Variants in SETD1B observed in about 807,000 individuals in gnomAD.
The protein encoded by SETD1B is histone-lysine N-methyltransferase SETD1B.
SETD1B carries 7 observed loss-of-function variants against 148.0 expected under a neutral mutation model. The observed-to-expected ratio is 0.05, with a 90% CI of 0.03 to 0.09. The LOEUF (loss-of-function observed/expected upper bound fraction) is 0.09. Among genes scored for constraint, SETD1B ranks in the 10% least tolerant of loss-of-function variants. The pLI is 1.00. For missense variants in SETD1B, 2,155 were observed against 2,729.9 expected (o/e 0.79, Z 4.69); for synonymous variants, 1,361 against 1,186.5 (o/e 1.15, Z -3.02).
rs200570124 is a variant in SETD1B, at chr12:121,823,257, G to A, written c.4678G>A (p.Val1560Ile). 5,682 of 1,549,814 alleles carry A rather than the reference G, an allele frequency of 3.7e-3. 22 individuals are homozygous for A. The highest frequency in any genetic ancestry group is 4.3e-3 in the Non-Finnish European group (4,909 of 1,146,874). The change falls in exon 12 of 17, where the codon GTC becomes ATC. Residue 1560 changes from valine (V) to isoleucine (I), a missense_variant. Around this residue, in one of 11 missense-constraint regions of SETD1B, gnomAD observed 862 missense variants for 873.8 expected, o/e 0.99. Transcript: ENST00000604567. ...CCTGCCGGGCCAGCCACAGACCCCC[G>A]TCTTCCCCAGCACCCATGACCCCCG... ...LLLPGQPQTP[V>I]FPSTHDPRTV...
intron 4 of SETD1B, among the ~76,000 whole-genome samples, chr12:121,807,808 G>A (rs1875822733): frequency 6.6e-6 from 1 of 151,286 alleles, no homozygotes; most frequent in South Asian, 2.1e-4. Context: ...TGGCTTCTGT[G>A]TCACGGGCTT....
rs1449391557 is a variant in SETD1B at position 121,804,171 on chromosome 12, G to C, written c.-77G>C. The C allele has an allele frequency of 1.3e-5, 2 of 149,652 alleles. No homozygotes were observed. Among genetic ancestry groups the C allele is most frequent in the East Asian group, 3.9e-4 (2 of 5,094 alleles). The allele number at this position is 149,652 out of a possible 1,614,324, so 9.3% of individuals were successfully genotyped here. The stretch of plus-strand genomic sequence containing the variant: ...CCCCCGGTCCGGCCGCCCCGGCCTC[G>C]GCTCCCTCGGGGGACACCATGTACT... On this transcript the variant is annotated 5_prime_UTR_variant, in exon 1 of 17. Transcript: ENST00000604567. This position sits in a 1 kb window ranked among gnomAD's most constrained non-coding sequence, Gnocchi z 4.6.
Position 121,814,898 on chromosome 12 carries a change from G to C in SETD1B, c.2683G>C (p.Glu895Gln). ...AGTGGTGGCTTTCCGGGCCTTTGAC[G>C]AGTGGTGGGACAAGAAGGAGCGGAT... Reference protein sequence around the residue: ...VEVVAFRAFDEWWDKKERMAK... With the variant: ...VEVVAFRAFDQWWDKKERMAK... Residue 895 changes from glutamate to glutamine, a missense_variant, in exon 7 of 17, where the codon GAG becomes CAG. Physicochemically the swap from Glu to Gln is conservative, Grantham distance 29. This residue lies in a region of SETD1B where 289 missense variants were observed against 423.7 expected (regional missense o/e 0.68). Coordinates refer to ENST00000604567, the MANE Select transcript of SETD1B (RefSeq NM_001353345.2). 3 of 1,550,564 alleles carry C rather than the reference G, an allele frequency of 1.9e-6. No homozygotes were observed. Among genetic ancestry groups the C allele is most frequent in the Non-Finnish European group, 2.6e-6 (3 of 1,146,288 alleles).
chr12:121,791,786 G>GA, the SETD1B span, among the ~76,000 whole-genome samples: 2 of 152,194 alleles, frequency 1.3e-5, no homozygotes, highest in African/African-American at 2.4e-5. Flanking sequence ...GAGGAGGAAA[G>GA]AAAAAACCTC....
rs756897560 is a variant in SETD1B at position 121,804,757 on chromosome 12, CCCA to C, written c.33_35del (p.His11del). 1.8e-5 allele frequency: 28 copies of C among 1,549,356 alleles called. No homozygotes were observed. The highest frequency in any genetic ancestry group is 2.2e-5 in the Non-Finnish European group (25 of 1,146,026). ...AACGGCATGGAGAACAGTCACCCCC[CCCA>C]CCACCACCACCAGCAGCCCCCGCCG... On this transcript the variant is annotated inframe_deletion, in exon 2 of 17. Transcript: ENST00000604567. The surrounding 1 kb of genome is among the most constrained non-coding windows in gnomAD (Gnocchi z 4.6).
At chr12:121,828,745 T>C (rs1876957603) in intron 16 of SETD1B, among the ~76,000 whole-genome samples, 1 of 152,236 alleles carries the variant, frequency 6.6e-6, no homozygotes, top group Admixed American at 6.5e-5. Context: ...CTTAGTGAGT[T>C]ACTTAATGTC....
In SETD1B at chr12:121,823,544, A is replaced by G. The variant is rs1163894457; in HGVS notation, c.4965A>G (p.Pro1655=). 1 of 1,550,922 alleles carries G rather than the reference A, an allele frequency of 6.4e-7. No individual in the cohort carries two copies. Among genetic ancestry groups the G allele is most frequent in the South Asian group, 1.2e-5 (1 of 84,048 alleles). The change falls in exon 12 of 17, where the codon CCA becomes CCG. Residue 1655 remains proline (P), a synonymous_variant. Transcript: ENST00000604567. ...PPKKRHEDLV[P]PAGSPELSPP... is the part of the protein sequence containing the mutation. ...AGAAGCGCCATGAGGACCTGGTGCC[A>G]CCTGCGGGCTCGCCCGAACTCTCGC...
the SETD1B span, chr12:121,793,634 T>C: frequency 6.5e-7 from 1 of 1,534,828 alleles, no homozygotes; most frequent in Non-Finnish European, 8.7e-7. Flanking sequence ...GGGCATCCAT[T>C]GCCCGGAGCC....
At position 121,817,956 on chromosome 12, in the gene SETD1B, G is replaced by C. The variant is rs927501458; in HGVS notation, c.3418+52G>C. ...GCCCTCCCGGAGTCCCTCTTTCCCC[G>C]GGGCAGAGCCTGAGCAATTGTCAGA... On this transcript the variant is annotated intron_variant, in intron 10 of 16. Coordinates refer to ENST00000604567, the MANE Select transcript of SETD1B (RefSeq NM_001353345.2). The surrounding 1 kb of genome is among the most constrained non-coding windows in gnomAD (Gnocchi z 8.1). 3 of 1,470,654 alleles carry C rather than the reference G, an allele frequency of 2.0e-6. No homozygotes were observed. In the African/African-American group the frequency reaches 4.3e-5, roughly 21 times the overall value. The allele number at this position is 1,470,654 out of a possible 1,614,324, so 91.1% of individuals were successfully genotyped here. A position where few individuals can be genotyped will look rare whatever the true frequency, so the allele number is the denominator to read the frequency against.
chr12:121,821,380 C>A (rs985792132), intron 11 of SETD1B, among the ~76,000 whole-genome samples: 5 of 147,884 alleles, frequency 3.4e-5, no homozygotes, highest in Non-Finnish European at 6.0e-5. Flanking sequence ...GAGGTTGCAG[C>A]GAGCCGAGAT....
chr12:121,814,316 C>G lies in SETD1B; in HGVS notation c.2101C>G (p.Pro701Ala), dbSNP rs767557816. 4.4e-5 allele frequency: 52 copies of G among 1,169,410 alleles called. 1 individual carries two copies. The South Asian group carries it at 6.9e-4, about 16-fold the overall frequency. The allele number at this position is 1,169,410 out of a possible 1,614,324, so 72.4% of individuals were successfully genotyped here. A position where few individuals can be genotyped will look rare whatever the true frequency, so the allele number is the denominator to read the frequency against. ...CCCACCACCACCACCCCCACCGCAGCCTGGCTTCCCCATGCCCCCACCGCT... is the reference window on the plus strand; with the variant it reads ...CCCACCACCACCACCCCCACCGCAGGCTGGCTTCCCCATGCCCCCACCGCT... ...PPPPPPPPPQ[P>A]GFPMPPPLPP... The change falls in exon 7 of 17, where the codon CCT becomes GCT. Residue 701 changes from proline (P) to alanine (A), a missense_variant. By Grantham distance (27) the Pro-to-Ala change is conservative (BLOSUM62 -1). Around this residue, in one of 11 missense-constraint regions of SETD1B, gnomAD observed 295 missense variants for 303.8 expected, o/e 0.97. Transcript: ENST00000604567.
Position 121,814,870 on chromosome 12 carries a change from G to A in SETD1B, c.2655G>A (p.Val885=), listed in dbSNP as rs1429568885. 2.6e-6 allele frequency: 4 copies of A among 1,551,494 alleles called. No homozygotes were observed. The highest frequency in any genetic ancestry group is 2.7e-5 in the African/African-American group (2 of 73,044). Residue 885 remains valine (V), a synonymous_variant, in exon 7 of 17, where the codon GTG becomes GTA. Transcript: ENST00000604567. ...AGCGTGACCTGAACCGCAAGATGGTGGAAGTGGTGGCTTTCCGGGCCTTTG... is the reference window on the plus strand; with the variant it reads ...AGCGTGACCTGAACCGCAAGATGGTAGAAGTGGTGGCTTTCCGGGCCTTTG... ...IMKRDLNRKM[V]EVVAFRAFDE... is the part of the protein sequence containing the mutation.
Position 121,832,654 on chromosome 12 carries a change from A to G in SETD1B, c.*2415A>G. ...CCATAAATATACTGACTTTTCTTAC[A>G]GATACGCCGTCTCTCTTGCTCTCCT... is the stretch of plus-strand genomic sequence containing the variant. On this transcript the variant is annotated 3_prime_UTR_variant, in exon 17 of 17. Transcript: ENST00000604567. 3.8e-6 allele frequency: 1 copy of G among 260,476 alleles called. No individual in the cohort carries two copies. 16.1% of individuals were successfully genotyped at this position (260,476 alleles called of 1,614,324 possible).
chr12:121,793,626 GC>G, the SETD1B span: 1 of 1,541,154 alleles, frequency 6.5e-7, no homozygotes, highest in Non-Finnish European at 8.7e-7. Context: ...GGCCCCGGGG[GC>G]ATCCATTGCC....
intron 10 of SETD1B, among the ~76,000 whole-genome samples, chr12:121,818,574 T>C (rs1876409911): frequency 1.4e-5 from 2 of 147,606 alleles, no homozygotes; most frequent in Non-Finnish European, 3.0e-5. Context: ...AAAAAAATAA[T>C]AAATAAAATT....
the SETD1B span, chr12:121,795,403 C>T: frequency 6.6e-6 from 1 of 152,352 alleles, no homozygotes; most frequent in Non-Finnish European, 1.5e-5. Context: ...GGCTGGCACA[C>T]TAGGCCTGGC....
the SETD1B span, chr12:121,794,026 C>A: frequency 5.8e-6 from 1 of 172,818 alleles, no homozygotes; most frequent in Non-Finnish European, 1.2e-5. Flanking sequence ...GCTGGCGCGG[C>A]CAGACAGGGT....
chr12:121,792,115 C>G, the SETD1B span, among the ~76,000 whole-genome samples: 3 of 133,156 alleles, frequency 2.3e-5, no homozygotes, highest in East Asian at 9.1e-4. Flanking sequence ...GGGCTCTGAG[C>G]TAGGACAGCC....
At chr12:121,797,685 G>A in the SETD1B span, 2 of 446,088 alleles carry the variant, frequency 4.5e-6, no homozygotes, top group Non-Finnish European at 9.1e-6. Context: ...TCCAAAGCAG[G>A]TGGGGAGTAA....
Sources: allele counts gnomAD v4.1 joint callset (sites outside exome capture counted in the v4.1 genomes callset), GRCh38; gene constraint gnomAD v4.1.1; regional missense constraint gnomAD v4.1.1; non-coding constraint Gnocchi (gnomAD v3.1); transcripts MANE v1.5; gene names NCBI Gene and HGNC (gene_info 2026-07-23, HGNC 2026-07-21).